The following SWAP70 variants were observed in gnomAD, a reference collection of about 807,000 sequenced individuals.
SWAP70 encodes switching B cell complex subunit SWAP70.
A neutral mutation model predicts 80.2 loss-of-function variants in SWAP70; 34 were observed. The observed-to-expected ratio is 0.42, with a 90% confidence interval of 0.32 to 0.56. The LOEUF (loss-of-function observed/expected upper bound fraction) is 0.56. SWAP70 is among the 20% of genes least tolerant of loss of function. SWAP70 has a pLI of 0.09. For synonymous variants in SWAP70, 239 were observed against 238.5 expected, an observed-to-expected ratio of 1.00 and a Z score of -0.02; for missense variants, 578 against 690.7, an observed-to-expected ratio of 0.84 and a Z score of 1.83.
At chr11:9,676,016 C>G (rs900789178) in intron 1 of SWAP70, among the ~76,000 whole-genome samples, 1 of 152,148 alleles carries the variant, frequency 6.6e-6, no homozygotes, top group Non-Finnish European at 1.5e-5. Flanking sequence ...TTGTTTTGAG[C>G]TTTTTCTTAA....
intron 2 of SWAP70, among the ~76,000 whole-genome samples, chr11:9,706,432 T>G (rs1850916250): frequency 6.6e-6 from 1 of 152,208 alleles, no homozygotes; most frequent in Non-Finnish European, 1.5e-5. Context: ...TATAATATGA[T>G]ATATACAAAA....
Position 9,749,155 on chromosome 11 carries a change from T to G in SWAP70, c.1623T>G (p.His541Gln). 4 of 1,612,262 alleles carry G rather than the reference T, an allele frequency of 2.5e-6. No individual in the cohort carries two copies. Among genetic ancestry groups the G allele is most frequent in the Non-Finnish European group, 3.4e-6 (4 of 1,178,846 alleles). Residue 541 changes from histidine (H) to glutamine (Q), a missense_variant, in exon 11 of 12, where the codon CAT becomes CAG. Transcript: ENST00000318950. ...GCTGGAAGGACAAAGTGGCCCATCA[T>G]GAAGGATTAATTCGACTGATAGAAC... Reference protein sequence around the residue: ...TKSWKDKVAHHEGLIRLIEPG... With the variant: ...TKSWKDKVAHQEGLIRLIEPG...
At chr11:9,725,569 A>ATATAT (rs1554892086) in intron 4 of SWAP70, among the ~76,000 whole-genome samples, 20 of 26,604 alleles carry the variant, frequency 7.5e-4, no homozygotes, top group South Asian at 1.7e-3. Flanking sequence ...ATATATATAT[A>ATATAT]TTTTTTTTTT....
intron 1 of SWAP70, among the ~76,000 whole-genome samples, chr11:9,688,007 A>G (rs2134441407): frequency 6.6e-6 from 1 of 152,334 alleles, no homozygotes; most frequent in Middle Eastern, 3.4e-3. Context: ...TGTGGGACAG[A>G]GAGCTAAGAG....
intron 7 of SWAP70, among the ~76,000 whole-genome samples, chr11:9,737,272 T>A (rs1163264283): frequency 6.6e-6 from 1 of 152,210 alleles, no homozygotes. Context: ...TGGGGTTCCA[T>A]CTGCCAGGAG....
chr11:9,715,041 C>G (rs1469147705), intron 3 of SWAP70, among the ~76,000 whole-genome samples: 1 of 144,618 alleles, frequency 6.9e-6, no homozygotes, highest in East Asian at 2.1e-4. Flanking sequence ...GTGGTGCAAT[C>G]ATGGCTCACT....
intron 1 of SWAP70, among the ~76,000 whole-genome samples, chr11:9,665,642 T>C (rs1048167344): frequency 3.3e-5 from 5 of 152,338 alleles, no homozygotes; most frequent in African/African-American, 9.6e-5. Flanking sequence ...TTTGTAACTG[T>C]TGAAACTGAT....
intron 1 of SWAP70, among the ~76,000 whole-genome samples, chr11:9,669,867 C>T (rs1313280673): frequency 6.6e-6 from 1 of 152,154 alleles, no homozygotes; most frequent in African/African-American, 2.4e-5. Flanking sequence ...GTGCCTCACA[C>T]CTGTAATCCC....
At chr11:9,706,892 AT>A (rs532366625) in intron 2 of SWAP70, among the ~76,000 whole-genome samples, 6 of 151,528 alleles carry the variant, frequency 4.0e-5, no homozygotes, top group African/African-American at 1.5e-4. Context: ...ACTTTGCAGC[AT>A]TTTTTTCCTT....
chr11:9,688,704 A>G (rs1462711332), intron 1 of SWAP70, among the ~76,000 whole-genome samples: 1 of 152,140 alleles, frequency 6.6e-6, no homozygotes, highest in Admixed American at 6.6e-5. Context: ...TAGGATGGTA[A>G]CTGATTGTAC....
At chr11:9,709,102 G>A (rs1052132917) in intron 2 of SWAP70, among the ~76,000 whole-genome samples, 3 of 149,138 alleles carry the variant, frequency 2.0e-5, no homozygotes, top group African/African-American at 7.5e-5. Context: ...AAAGACAGGG[G>A]TCTCACTATG....
chr11:9,710,624 C>T (rs1850983752), intron 2 of SWAP70, among the ~76,000 whole-genome samples: 1 of 151,484 alleles, frequency 6.6e-6, no homozygotes, highest in Non-Finnish European at 1.5e-5. Flanking sequence ...CCTGCCTCCT[C>T]CAGTACATCT....
intron 2 of SWAP70, among the ~76,000 whole-genome samples, chr11:9,694,535 G>C (rs1419311017): frequency 6.6e-6 from 1 of 152,116 alleles, no homozygotes; most frequent in African/African-American, 2.4e-5. Context: ...TGTGTTTTGT[G>C]TTAATCTGTA....
intron 2 of SWAP70, among the ~76,000 whole-genome samples, chr11:9,694,947 T>A (rs188438579): frequency 6.6e-6 from 1 of 152,214 alleles, no homozygotes; most frequent in Non-Finnish European, 1.5e-5. Flanking sequence ...ACCCAGCAAT[T>A]GCATTACTGG....
rs769469975 is a variant in SWAP70, at chr11:9,664,203, G to C, written c.24G>C (p.Leu8=). The C allele has an allele frequency of 3.8e-6, 6 of 1,589,434 alleles. No individual in the cohort carries two copies. The highest frequency in any genetic ancestry group is 5.1e-6 in the Non-Finnish European group (6 of 1,168,892). ...CCATGGGGAGCTTGAAGGAGGAGCT[G>C]CTCAAAGCCATCTGGCACGCCTTCA... MGSLKEE[L]LKAIWHAFTA... is the part of the protein sequence containing the mutation. The change falls in exon 1 of 12, where the codon CTG becomes CTC. Residue 8 remains leucine, a synonymous_variant. Coordinates refer to ENST00000318950, the MANE Select transcript of SWAP70 (RefSeq NM_015055.4).
intron 2 of SWAP70, among the ~76,000 whole-genome samples, chr11:9,710,930 T>C (rs1270318512): frequency 6.6e-6 from 1 of 152,048 alleles, no homozygotes; most frequent in East Asian, 1.9e-4. Context: ...GGAATCTTTA[T>C]GCTTTGGCCT....
At chr11:9,687,514 G>A (rs1008866767) in intron 1 of SWAP70, among the ~76,000 whole-genome samples, 1 of 152,072 alleles carries the variant, frequency 6.6e-6, no homozygotes, top group Non-Finnish European at 1.5e-5. Flanking sequence ...GAAAATATAA[G>A]CATTTTTCTG....
At position 9,729,369 on chromosome 11, in the gene SWAP70, A is replaced by T. The variant is rs1375988689; in HGVS notation, c.816A>T (p.Lys272Asn). The T allele has an allele frequency of 1.2e-6, 2 of 1,613,804 alleles. No homozygotes were observed. Among genetic ancestry groups the T allele is most frequent in the Non-Finnish European group, 1.7e-6 (2 of 1,179,854 alleles). The part of the protein sequence containing the change: ...VESLPDKDGK[K>N]CLFLVKCFDK... ...CCTTGCCTGACAAAGATGGAAAGAA[A>T]TGCCTTTTTCTCGTAAAATGTTTTG... The change falls in exon 6 of 12, where the codon AAA (lysine) becomes AAT (asparagine). Residue 272 changes from lysine (K) to asparagine (N), a missense_variant. Physicochemically the swap from Lys to Asn is moderately conservative, Grantham distance 94. Transcript: ENST00000318950.
At chr11:9,703,545 A>C in intron 2 of SWAP70, 1 of 455,304 alleles carries the variant, frequency 2.2e-6, no homozygotes, top group South Asian at 1.6e-5. Flanking sequence ...CTCCTGGTAG[A>C]ACCCACCCTT....
Sources: allele counts gnomAD v4.1 joint callset (sites outside exome capture counted in the v4.1 genomes callset), GRCh38; gene constraint gnomAD v4.1.1; transcripts MANE v1.5; gene names NCBI Gene and HGNC (gene_info 2026-07-23, HGNC 2026-07-21).